BRCA1: variants seen among roughly 807,000 people sequenced by gnomAD.
The protein encoded by BRCA1 is breast cancer type 1 susceptibility protein.
In BRCA1, 140 loss-of-function variants were observed where a neutral mutation model predicts 173.7. The observed-to-expected ratio is 0.81, with a 90% CI of 0.70 to 0.93. The LOEUF (loss-of-function observed/expected upper bound fraction) is 0.93, where lower values mean the gene tolerates loss of function less well. BRCA1 is among the 40% of genes least tolerant of loss of function. BRCA1 has a pLI of 0.00. For synonymous variants in BRCA1, 662 were observed against 756.0 expected (o/e 0.88, Z 2.04); for missense variants, 1,983 against 2,172.5 (o/e 0.91, Z 1.73).
chr17:43,062,412 A>C (rs910908050), intron 18 of BRCA1, among the ~76,000 whole-genome samples: 1 of 152,146 alleles, frequency 6.6e-6, no homozygotes, highest in African/African-American at 2.4e-5. Context: ...TAATATGAAG[A>C]GCTTTTCTTC....
rs377310179 is a variant in BRCA1 at position 43,094,459 on chromosome 17, G to A, written c.1072C>T (p.Leu358=). 6.2e-7 allele frequency: 1 copy of A among 1,613,918 alleles called. No homozygotes were observed. Among genetic ancestry groups the A allele is most frequent in the Non-Finnish European group, 8.5e-7 (1 of 1,180,038 alleles). Residue 358 remains leucine, a synonymous_variant, in exon 10 of 23, where the codon CTG becomes TTG. Coordinates refer to ENST00000357654, the MANE Select transcript of BRCA1 (RefSeq NM_007294.4). The part of the protein sequence containing the change: ...CERKEWNKQK[L]PCSENPRDTE... The stretch of plus-strand genomic sequence containing the variant: ...TCTCTAGGATTCTCTGAGCATGGCA[G>A]TTTCTGCTTATTCCATTCTTTTCTC...
chr17:43,055,899 C>T (rs971451384), intron 19 of BRCA1, among the ~76,000 whole-genome samples: 1 of 152,182 alleles, frequency 6.6e-6, no homozygotes, highest in Non-Finnish European at 1.5e-5. Context: ...GAGATAGTGG[C>T]ACTGCACTCC....
intron 11 of BRCA1, among the ~76,000 whole-genome samples, chr17:43,084,180 G>A (rs1474025047): frequency 6.6e-6 from 1 of 152,044 alleles, no homozygotes; most frequent in Non-Finnish European, 1.5e-5. Context: ...ACAGGCGCCC[G>A]CCACCATGCC....
chr17:43,152,240 T>C (rs899021175), intron 1 of BRCA1, among the ~76,000 whole-genome samples: 1 of 152,218 alleles, frequency 6.6e-6, no homozygotes, highest in Non-Finnish European at 1.5e-5. Context: ...CTCTTTATTT[T>C]TGGTTATGTG....
chr17:43,051,587 A>C (rs1207618852), intron 19 of BRCA1, among the ~76,000 whole-genome samples: 1 of 151,842 alleles, frequency 6.6e-6, no homozygotes, highest in Admixed American at 6.6e-5. Flanking sequence ...GACCCCATCA[A>C]CAGAGGGGTC....
intron 6 of BRCA1, among the ~76,000 whole-genome samples, chr17:43,100,266 G>A (rs1331333025): frequency 6.6e-6 from 1 of 151,484 alleles, no homozygotes; most frequent in African/African-American, 2.4e-5. Context: ...TATTATTTGT[G>A]TAATTTTTGA....
At chr17:43,110,578 AC>A in intron 3 of BRCA1, 1 of 411,376 alleles carries the variant, frequency 2.4e-6, no homozygotes, top group Non-Finnish European at 4.8e-6. Flanking sequence ...ACAGAGTAAG[AC>A]CCTGTCTCAA....
Position 43,093,594 on chromosome 17 carries a change from C to T in BRCA1, c.1937G>A (p.Ser646Asn), listed in dbSNP as rs2053857094. 2.5e-6 allele frequency: 4 copies of T among 1,613,998 alleles called. No individual in the cohort carries two copies. The highest frequency in any genetic ancestry group is 3.4e-6 in the Non-Finnish European group (4 of 1,179,996). The part of the protein sequence containing the change: ...CTELQIDSCS[S>N]SEEIKKKKYN... ...CTTTTTTTTCTTTATCTCTTCACTG[C>T]TAGAACAACTATCAATTTGCAATTC... Residue 646 changes from serine (S) to asparagine (N), a missense_variant, in exon 10 of 23, where the codon AGC (serine) becomes AAC (asparagine). Ser to Asn is a conservative substitution (Grantham distance 46). Transcript: ENST00000357654.
intron 1 of BRCA1, among the ~76,000 whole-genome samples, chr17:43,135,230 C>A (rs2056007977): frequency 1.3e-5 from 2 of 152,240 alleles, no homozygotes; most frequent in African/African-American, 4.8e-5. Context: ...GTTGCTTCAG[C>A]CTCGGTCCAA....
intron 2 of BRCA1, among the ~76,000 whole-genome samples, chr17:43,117,966 G>A (rs539474284): frequency 6.6e-6 from 1 of 152,256 alleles, no homozygotes; most frequent in African/African-American, 2.4e-5. Context: ...TCATATTCTA[G>A]TGTGGTAGAC....
chr17:43,133,948 C>T (rs1567828097), intron 1 of BRCA1, among the ~76,000 whole-genome samples: 2 of 152,154 alleles, frequency 1.3e-5, no homozygotes, highest in Non-Finnish European at 2.9e-5. Flanking sequence ...TTTTTCACTT[C>T]CTACCTTCCT....
At chr17:43,091,161 C>A (rs1401366489) in intron 10 of BRCA1, 129 bp from the exon 11 acceptor site, 2 of 1,015,752 alleles carry the variant, frequency 2.0e-6, no homozygotes, top group South Asian at 1.4e-5. Context: ...AAATTCCTTG[C>A]TTTGGGACAC....
At chr17:43,155,375 C>T (rs1235639101) in intron 1 of BRCA1, among the ~76,000 whole-genome samples, 1 of 151,954 alleles carries the variant, frequency 6.6e-6, no homozygotes, top group Non-Finnish European at 1.5e-5. Context: ...CCACCATGCC[C>T]GGCCATCTTT....
rs1008458471 is a variant in BRCA1, at chr17:43,091,301, A to C, written c.4096+134T>G. The C allele has an allele frequency of 2.5e-6, 3 of 1,202,374 alleles. No homozygotes were observed. The South Asian group carries it at 3.8e-5, about 15-fold the overall frequency. 74.5% of individuals were successfully genotyped at this position (1,202,374 alleles called of 1,614,324 possible). On this transcript the variant is annotated intron_variant, in intron 10 of 22. Transcript: ENST00000357654. ...TTTCTATGAAAAGCACCTTAGGAGG[A>C]ACATGTTTCAAGTTTAAGAAGCAGT...
rs189445091 is a variant in BRCA1 at position 43,151,520 on chromosome 17, G to C, written c.-20+18606C>G. Among the ~76,000 whole-genome samples, 100 of 152,220 alleles carry C rather than the reference G, an allele frequency of 6.6e-4. No homozygotes were observed. In the Middle Eastern group the frequency reaches 0.014, roughly 21 times the overall value. ...AAACAAAAACAAAAAAACCAAAAGA[G>C]GATTTTCAGTGTGTTCCAGAAATGT... On this transcript the variant is annotated intron_variant, in intron 1 of 7. Transcript: ENST00000634433.
At chr17:43,109,514 C>T (rs1052466807) in intron 3 of BRCA1, among the ~76,000 whole-genome samples, 10 of 152,054 alleles carry the variant, frequency 6.6e-5, no homozygotes, top group African/African-American at 1.4e-4. Context: ...GGTCCTTCTT[C>T]GCCGATATAG....
rs1447193969 is a variant in BRCA1, at chr17:43,099,291, A to G, written c.547+484T>C. 2.7e-5 allele frequency among the ~76,000 whole-genome samples: 4 copies of G among 145,886 alleles called. 1 individual carries two copies. The highest frequency in any genetic ancestry group is 1.5e-5 in the Non-Finnish European group (1 of 66,366). On this transcript the variant is annotated intron_variant, in intron 7 of 22. Transcript: ENST00000357654. Reference sequence around the variant, plus strand: ...CTTTTGCTCTCTTTTTTTTTTTTAGATGGAGTTTCGCTATTTTTGCCCAGG... The same window carrying G: ...CTTTTGCTCTCTTTTTTTTTTTTAGGTGGAGTTTCGCTATTTTTGCCCAGG...
At chr17:43,049,223 C>A (rs2152961601) in intron 20 of BRCA1, 29 bp from the exon 21 acceptor site, 1 of 1,595,762 alleles carries the variant, frequency 6.3e-7, no homozygotes, top group Non-Finnish European at 8.6e-7. Context: ...TGTAAAATCA[C>A]TGCAGTAATC....
rs1453794570 is a variant in BRCA1 at position 43,104,215 on chromosome 17, T to C, written c.348A>G (p.Glu116=). Residue 116 remains glutamate (E), a synonymous_variant, in exon 6 of 23, where the codon GAA becomes GAG. Transcript: ENST00000357654. ...NFAKKENNSP[E]HLKDEVSIIQ... ...TGATAGAAACTTCATCTTTTAGATG[T>C]TCAGGAGAGTTATTTTCCTTTTTTG... is the stretch of plus-strand genomic sequence containing the variant. 1.9e-6 allele frequency: 3 copies of C among 1,612,926 alleles called. No individual in the cohort carries two copies. The African/African-American group carries it at 4.0e-5, about 22-fold the overall frequency.
Sources: allele counts gnomAD v4.1 joint callset (sites outside exome capture counted in the v4.1 genomes callset), GRCh38; gene constraint gnomAD v4.1.1; transcripts MANE v1.5; gene names NCBI Gene and HGNC (gene_info 2026-07-23, HGNC 2026-07-21).